SLC38A7: variants seen among roughly 807,000 people sequenced by gnomAD.
The protein encoded by SLC38A7 is sodium-coupled neutral amino acid transporter 7.
SLC38A7 carries 29 observed loss-of-function variants against 50.1 expected under a neutral mutation model. That is an observed-to-expected ratio of 0.58 (90% CI 0.43 to 0.79). The LOEUF is 0.79. SLC38A7 is among the 30% of genes least tolerant of loss of function. The pLI is 0.00. For missense variants in SLC38A7, 483 were observed against 610.6 expected, an observed-to-expected ratio of 0.79 and a Z score of 2.20; for synonymous variants, 244 against 245.9, an observed-to-expected ratio of 0.99 and a Z score of 0.07.
chr16:58,671,675 C>T (rs958830169), intron 9 of SLC38A7: 2 of 218,950 alleles, frequency 9.1e-6, no homozygotes, highest in Non-Finnish European at 1.8e-5. Context: ...CATCCTTCTG[C>T]CTCAGCCTCC....
intron 8 of SLC38A7, among the ~76,000 whole-genome samples, chr16:58,675,651 A>C (rs2044249440): frequency 6.6e-6 from 1 of 152,060 alleles, no homozygotes; most frequent in African/African-American, 2.4e-5. Flanking sequence ...AAGAATGTCA[A>C]CTCCATGAGG....
At position 58,667,282 on chromosome 16, in the gene SLC38A7, C is replaced by T; in HGVS notation, c.*103G>A. ...CTGGAAGAGGATGTCCGGATGTCAT[C>T]CCACCAGTTGGAATGATCGTGGACT... On this transcript the variant is annotated 3_prime_UTR_variant, in exon 12 of 12. Coordinates refer to ENST00000219320, the MANE Select transcript of SLC38A7 (RefSeq NM_018231.3). The T allele has an allele frequency of 8.2e-7, 1 of 1,224,052 alleles. No individual in the cohort carries two copies. Among genetic ancestry groups the T allele is most frequent in the Non-Finnish European group, 1.2e-6 (1 of 840,388 alleles). 75.8% of individuals were successfully genotyped at this position (1,224,052 alleles called of 1,614,324 possible). A position where few individuals can be genotyped will look rare whatever the true frequency, so the allele number is the denominator to read the frequency against.
In SLC38A7 at chr16:58,667,440, G is replaced by A. The variant is rs1295371559; in HGVS notation, c.1334C>T (p.Ala445Val). The A allele has an allele frequency of 1.2e-6, 2 of 1,613,760 alleles. No individual in the cohort carries two copies. Among genetic ancestry groups the A allele is most frequent in the East Asian group, 2.2e-5 (1 of 44,898 alleles). The change falls in exon 12 of 12, where the codon GCC (alanine) becomes GTC (valine). Residue 445 changes from alanine to valine, a missense_variant. Transcript: ENST00000219320. ...GGCTGTGGTCTGGCCGAAGATGAAGGCTCCCAGGGTGACCAAGAGGACTCC... is the reference window on the plus strand; with the variant it reads ...GGCTGTGGTCTGGCCGAAGATGAAGACTCCCAGGGTGACCAAGAGGACTCC... ...SYGVLLVTLG[A>V]FIFGQTTANA... is the part of the protein sequence containing the mutation.
intron 2 of SLC38A7, among the ~76,000 whole-genome samples, chr16:58,680,790 C>T (rs373250474): frequency 3.3e-4 from 50 of 152,296 alleles, no homozygotes; most frequent in South Asian, 8.3e-4. Context: ...CGAGGCCCTT[C>T]GAAATTCAGG....
Position 58,677,412 on chromosome 16 carries a change from G to A in SLC38A7, c.624C>T (p.Val208=), listed in dbSNP as rs145553429. 9.5e-5 allele frequency: 153 copies of A among 1,613,920 alleles called. No homozygotes were observed. Among genetic ancestry groups the A allele is most frequent in the Middle Eastern group, 1.6e-4 (1 of 6,084 alleles). The part of the protein sequence containing the change: ...GFQKYASFLS[V]VGTWYVTAIV... ...TGGCTGTGACGTACCAGGTACCCAC[G>A]ACGCTCAGGAAGCTGCCGGGAAGGA... Residue 208 remains valine, a synonymous_variant, in exon 6 of 12, where the codon GTC becomes GTT. Transcript: ENST00000219320.
At position 58,675,969 on chromosome 16, in the gene SLC38A7, A is replaced by C; in HGVS notation, c.854T>G (p.Val285Gly). The change falls in exon 8 of 12, where the codon GTC becomes GGC. Residue 285 changes from valine (V) to glycine (G), a missense_variant. Physicochemically the swap from Val to Gly is moderately radical, Grantham distance 109. Coordinates refer to ENST00000219320, the MANE Select transcript of SLC38A7 (RefSeq NM_018231.3). ...TWGGVVTAAM[V>G]IALAVYMGTG... ...CCCCATGTAGACAGCGAGGGCTATG[A>C]CCATGGCAGCTGTCACCACTCCACC... is the stretch of plus-strand genomic sequence containing the variant. 6.2e-7 allele frequency: 1 copy of C among 1,613,268 alleles called. No individual in the cohort carries two copies. The highest frequency in any genetic ancestry group is 8.5e-7 in the Non-Finnish European group (1 of 1,179,696).
At chr16:58,671,969 G>T in intron 9 of SLC38A7, 127 bp downstream of exon 9, 1 of 1,181,462 alleles carries the variant, frequency 8.5e-7, no homozygotes, top group Non-Finnish European at 1.2e-6. Flanking sequence ...CCCATCCTAG[G>T]CACCGACTCT....
chr16:58,674,145 A>C (rs1303504257), intron 8 of SLC38A7, among the ~76,000 whole-genome samples: 1 of 151,704 alleles, frequency 6.6e-6, no homozygotes, highest in Non-Finnish European at 1.5e-5. Flanking sequence ...TAATTCTTTA[A>C]TTTTTGTAGA....
At position 58,675,949 on chromosome 16, in the gene SLC38A7, T is replaced by C. The variant is rs1452958448; in HGVS notation, c.874A>G (p.Met292Val). Reference sequence around the variant, plus strand: ...GGGGGGGAGCACTCACCTGTCCCCATGTAGACAGCGAGGGCTATGACCATG... The same window carrying C: ...GGGGGGGAGCACTCACCTGTCCCCACGTAGACAGCGAGGGCTATGACCATG... ...AAMVIALAVYMGTGICGFLTF... is the reference protein window; with the variant it reads ...AAMVIALAVYVGTGICGFLTF... Residue 292 changes from methionine to valine, a missense_variant, in exon 8 of 12, where the codon ATG becomes GTG. Coordinates refer to ENST00000219320, the MANE Select transcript of SLC38A7 (RefSeq NM_018231.3). 2.5e-6 allele frequency: 4 copies of C among 1,610,872 alleles called. No individual in the cohort carries two copies. Among genetic ancestry groups the C allele is most frequent in the East Asian group, 2.2e-5 (1 of 44,786 alleles).
At position 58,666,409 on chromosome 16, in the gene SLC38A7, C is replaced by T. The variant is rs1181478374; in HGVS notation, c.*976G>A. The T allele has an allele frequency of 2.1e-5, 3 of 143,666 alleles. No individual in the cohort carries two copies. Among genetic ancestry groups the T allele is most frequent in the East Asian group, 2.0e-4 (1 of 4,914 alleles). 8.9% of individuals were successfully genotyped at this position (143,666 alleles called of 1,614,324 possible). On this transcript the variant is annotated 3_prime_UTR_variant, in exon 12 of 12. Coordinates refer to ENST00000219320, the MANE Select transcript of SLC38A7 (RefSeq NM_018231.3). Reference sequence around the variant, plus strand: ...TTTTTTTTTTGTCTCTGGGTAGTCACGCTAGGGCTGGCAGGGGAGGAGGCA... The same window carrying T: ...TTTTTTTTTTGTCTCTGGGTAGTCATGCTAGGGCTGGCAGGGGAGGAGGCA...
In SLC38A7 at chr16:58,671,989, G is replaced by C. The variant is rs1597666432; in HGVS notation, c.1031+107C>G. 7.6e-6 allele frequency: 10 copies of C among 1,318,980 alleles called. No homozygotes were observed. In the East Asian group the frequency reaches 2.3e-4, roughly 31 times the overall value. The allele number at this position is 1,318,980 out of a possible 1,614,324, so 81.7% of individuals were successfully genotyped here. On this transcript the variant is annotated intron_variant, in intron 9 of 11. Transcript: ENST00000219320. ...CCTAGGCACCGACTCTTTTCTACAG[G>C]CTTCAGTTTCTCCTTCTACAGGATG...
At position 58,676,069 on chromosome 16, in the gene SLC38A7, G is replaced by A. The variant is rs1271656939; in HGVS notation, c.769-15C>T. ...CTGACGTGGCACTGTCCAGGTGAAG[G>A]GCACCGTCATGGTGGGGAAATGACC... On this transcript the variant is annotated splice_polypyrimidine_tract_variant and intron_variant, in intron 7 of 11. Coordinates refer to ENST00000219320, the MANE Select transcript of SLC38A7 (RefSeq NM_018231.3). The A allele has an allele frequency of 1.2e-6, 2 of 1,610,174 alleles. No homozygotes were observed. The highest frequency in any genetic ancestry group is 2.7e-5 in the African/African-American group (2 of 74,826).
At chr16:58,672,595 G>GTCC (rs2044180526) in intron 8 of SLC38A7, among the ~76,000 whole-genome samples, 1 of 152,156 alleles carries the variant, frequency 6.6e-6, no homozygotes, top group African/African-American at 2.4e-5. Context: ...CTTCCTGCCA[G>GTCC]TCCATCTACA....
chr16:58,671,347 C>T, intron 9 of SLC38A7, 103 bp from the exon 10 acceptor site: 1 of 1,174,588 alleles, frequency 8.5e-7, no homozygotes, highest in Non-Finnish European at 1.2e-6. Context: ...GCGGGGAAAG[C>T]CCCATTCCTG....
chr16:58,676,949 TG>T (rs1212573319), intron 6 of SLC38A7, among the ~76,000 whole-genome samples: 3 of 151,410 alleles, frequency 2.0e-5, no homozygotes, highest in African/African-American at 7.3e-5. Flanking sequence ...CCATTGTGCC[TG>T]GCCCCCCCCC....
At chr16:58,668,473 G>A (rs914993435) in intron 11 of SLC38A7, among the ~76,000 whole-genome samples, 4 of 152,060 alleles carry the variant, frequency 2.6e-5, no homozygotes, top group African/African-American at 9.7e-5. Flanking sequence ...TACCCTGGAG[G>A]TTGCAGTGAG....
chr16:58,667,194 G>T lies in SLC38A7; in HGVS notation c.*191C>A. Reference sequence around the variant, plus strand: ...CCATCCACGGCACTGCCAGGACTGGGGAGCAGGAAGGGGACTGGATTTGAG... The same window carrying T: ...CCATCCACGGCACTGCCAGGACTGGTGAGCAGGAAGGGGACTGGATTTGAG... On this transcript the variant is annotated 3_prime_UTR_variant, in exon 12 of 12. Coordinates refer to ENST00000219320, the MANE Select transcript of SLC38A7 (RefSeq NM_018231.3). 1.8e-6 allele frequency: 1 copy of T among 550,230 alleles called. No homozygotes were observed. The highest frequency in any genetic ancestry group is 2.5e-5 in the South Asian group (1 of 39,922). 34.1% of individuals were successfully genotyped at this position (550,230 alleles called of 1,614,324 possible).
Position 58,678,554 on chromosome 16 carries a change from T to C in SLC38A7, c.470-80A>G. 1 of 1,552,598 alleles carries C rather than the reference T, an allele frequency of 6.4e-7. No individual in the cohort carries two copies. Among genetic ancestry groups the C allele is most frequent in the South Asian group, 1.2e-5 (1 of 81,658 alleles). On this transcript the variant is annotated intron_variant, in intron 4 of 11. Transcript: ENST00000219320. The surrounding 1 kb of genome is among the most constrained non-coding windows in gnomAD (Gnocchi z 4.0). ...TCCTGCTCTGCTGGGCCCCAGGACC[T>C]CCCTCTGCCTGGAGGGAGGATTCCC...
intron 9 of SLC38A7, chr16:58,671,529 G>C: frequency 1.9e-6 from 1 of 530,322 alleles, no homozygotes; most frequent in Non-Finnish European, 3.4e-6. Flanking sequence ...GTGTCCATGT[G>C]AAAGCTCAGG....
Sources: gnomAD v4.1 joint callset for allele counts (sites outside exome capture counted in the v4.1 genomes callset) on GRCh38, gnomAD v4.1.1 for gene constraint, Gnocchi (gnomAD v3.1) non-coding constraint, MANE v1.5 for transcripts, NCBI Gene and HGNC (gene_info 2026-07-23, HGNC 2026-07-21) for gene names.